C4orf36: variants seen among roughly 807,000 people sequenced by gnomAD.
C4orf36 encodes the protein uncharacterized protein C4orf36.
C4orf36 carries 11 observed loss-of-function variants against 12.2 expected under a neutral mutation model. The observed-to-expected ratio is 0.90, with a 90% CI of 0.57 to 1.49. The LOEUF is 1.49. C4orf36 is among the 40% of genes most tolerant of loss of function. C4orf36 has a pLI of 0.00. For synonymous variants in C4orf36, 54 were observed against 51.3 expected, an observed-to-expected ratio of 1.05 and a Z score of -0.22; for missense variants, 137 against 133.9, an observed-to-expected ratio of 1.02 and a Z score of -0.11.
At chr4:86,890,789 G>A (rs1040249191) in intron 2 of C4orf36, among the ~76,000 whole-genome samples, 4 of 152,202 alleles carry the variant, frequency 2.6e-5, no homozygotes, top group Admixed American at 6.5e-5. Flanking sequence ...CTCACTATGC[G>A]TTCACTGGAT....
the C4orf36 span, chr4:86,913,631 T>C: frequency 6.6e-7 from 1 of 1,519,934 alleles, no homozygotes; most frequent in Non-Finnish European, 9.1e-7. Flanking sequence ...GAACTCTGTG[T>C]GAGACCTGCA....
intron 4 of C4orf36, among the ~76,000 whole-genome samples, chr4:86,879,922 C>T (rs181711335): frequency 9.3e-5 from 14 of 151,092 alleles, no homozygotes; most frequent in Admixed American, 9.2e-4. Context: ...ATCATCATAG[C>T]TCACTGCAGC....
At chr4:86,935,425 C>G in the C4orf36 span, 1 of 152,342 alleles carries the variant, frequency 6.6e-6, no homozygotes, top group Non-Finnish European at 1.5e-5. Context: ...GGCTAGGGCT[C>G]AGAGCTCTCA....
At chr4:86,899,520 T>A in the C4orf36 span, among the ~76,000 whole-genome samples, 3 of 152,058 alleles carry the variant, frequency 2.0e-5, no homozygotes, top group Non-Finnish European at 4.4e-5. Context: ...AATCTGGTAT[T>A]CCATTCTAAA....
At chr4:86,895,149 A>G (rs1189188052), upstream of C4orf36, among the ~76,000 whole-genome samples, 5 of 151,998 alleles carry the variant, frequency 3.3e-5, no homozygotes, top group Non-Finnish European at 7.4e-5. Context: ...CCATCTTTAC[A>G]GAAAGTAGAA....
intron 2 of C4orf36, 98 bp from the exon 3 acceptor site, chr4:86,888,373 G>T: frequency 2.4e-6 from 3 of 1,259,514 alleles, no homozygotes; most frequent in Non-Finnish European, 3.3e-6. Flanking sequence ...TTTGCCACTA[G>T]ACATTTTGGT....
chr4:86,898,017 T>G, the C4orf36 span, among the ~76,000 whole-genome samples: 1 of 152,224 alleles, frequency 6.6e-6, no homozygotes, highest in East Asian at 1.9e-4. Flanking sequence ...CCCTATAAAG[T>G]ACTAATTAAA....
the C4orf36 span, among the ~76,000 whole-genome samples, chr4:86,927,838 A>G: frequency 6.6e-6 from 1 of 152,114 alleles, no homozygotes; most frequent in African/African-American, 2.4e-5. Context: ...GGAGTCTAGA[A>G]TGAGGAGTTG....
At chr4:86,877,315 G>C (rs1746948735) in intron 4 of C4orf36, among the ~76,000 whole-genome samples, 1 of 152,194 alleles carries the variant, frequency 6.6e-6, no homozygotes, top group Non-Finnish European at 1.5e-5. Context: ...TAATTACTGA[G>C]ATGGAGGAAA....
chr4:86,877,890 T>C (rs1191741887), intron 4 of C4orf36, among the ~76,000 whole-genome samples: 1 of 152,242 alleles, frequency 6.6e-6, no homozygotes, highest in African/African-American at 2.4e-5. Context: ...TGTACTGATA[T>C]GCTATCTAGA....
At chr4:86,929,790 C>G in the C4orf36 span, among the ~76,000 whole-genome samples, 83 of 152,252 alleles carry the variant, frequency 5.5e-4, 2 homozygotes, top group South Asian at 0.016. Context: ...GAAGAAAACT[C>G]ATAAGGAAGG....
chr4:86,896,885 GC>G (rs1163980337), upstream of C4orf36, among the ~76,000 whole-genome samples: 1 of 152,154 alleles, frequency 6.6e-6, no homozygotes, highest in East Asian at 1.9e-4. Flanking sequence ...TCTGGGAATG[GC>G]CCATGAGTCT....
At chr4:86,897,886 C>T in the C4orf36 span, among the ~76,000 whole-genome samples, 8 of 152,218 alleles carry the variant, frequency 5.3e-5, no homozygotes, top group East Asian at 1.3e-3. Flanking sequence ...AGCTCAGCCC[C>T]TGACAACTAC....
chr4:86,888,535 T>C (rs1003471848), intron 2 of C4orf36, among the ~76,000 whole-genome samples: 2 of 152,172 alleles, frequency 1.3e-5, no homozygotes, highest in African/African-American at 2.4e-5. Context: ...AGTCAATCCA[T>C]TCTTTCCATG....
chr4:86,890,543 C>T (rs1747368064), intron 2 of C4orf36, among the ~76,000 whole-genome samples: 1 of 151,650 alleles, frequency 6.6e-6, no homozygotes, highest in South Asian at 2.1e-4. Flanking sequence ...ATGGTACTTG[C>T]CCATAGTTCA....
the C4orf36 span, chr4:86,926,053 T>C: frequency 6.6e-6 from 1 of 152,070 alleles, no homozygotes; most frequent in Non-Finnish European, 1.5e-5. Flanking sequence ...ATTTTTTGTA[T>C]TTTTTAGTAG....
the C4orf36 span, chr4:86,913,283 C>T: frequency 8.6e-5 from 56 of 653,668 alleles, no homozygotes; most frequent in African/African-American, 8.9e-4. Context: ...ATGGAAGACT[C>T]GAGAGTCTTG....
At chr4:86,904,333 G>C in the C4orf36 span, among the ~76,000 whole-genome samples, 31 of 152,348 alleles carry the variant, frequency 2.0e-4, no homozygotes, top group African/African-American at 7.0e-4. Context: ...CTCCGGCCTC[G>C]GCCAGCCCCA....
At chr4:86,935,858 C>T in the C4orf36 span, 2 of 152,138 alleles carry the variant, frequency 1.3e-5, no homozygotes, top group African/African-American at 2.4e-5. Flanking sequence ...GTTAATTTCT[C>T]TTGATAATGC....
Sources: gnomAD v4.1 joint callset for allele counts (sites outside exome capture counted in the v4.1 genomes callset) on GRCh38, gnomAD v4.1.1 for gene constraint, MANE v1.5 for transcripts, NCBI Gene and HGNC (gene_info 2026-07-23, HGNC 2026-07-21) for gene names.